The following BSPH1 variants were observed in gnomAD, a reference collection of about 807,000 sequenced individuals.
The protein encoded by BSPH1 is binder of sperm 1.
Under a neutral mutation model 22.5 loss-of-function variants are expected in BSPH1, and 21 were observed. The observed-to-expected ratio is 0.93, with a 90% CI of 0.66 to 1.35. The LOEUF (loss-of-function observed/expected upper bound fraction) is 1.35. Among genes scored for constraint, BSPH1 ranks in the 40% most tolerant of loss-of-function variants. The probability of loss-of-function intolerance (pLI) is 0.00; values close to 1 mark genes in which losing one functional copy is unlikely to be tolerated. For synonymous variants in BSPH1, 42 were observed against 53.6 expected, an observed-to-expected ratio of 0.78 and a Z score of 0.95; for missense variants, 141 against 154.2, an observed-to-expected ratio of 0.91 and a Z score of 0.45.
At chr19:47,985,240 C>G (rs1297597442) in intron 1 of BSPH1, among the ~76,000 whole-genome samples, 2 of 151,886 alleles carry the variant, frequency 1.3e-5, no homozygotes, top group African/African-American at 4.8e-5. Context: ...AAAGAAAAAT[C>G]TTTTGAAAGA....
Position 47,984,712 on chromosome 19 carries a change from A to T in BSPH1, c.74-3771T>A, listed in dbSNP as rs188878775. Among the ~76,000 whole-genome samples, 144 of 152,258 alleles carry T rather than the reference A, an allele frequency of 9.5e-4. 1 individual carries two copies. The highest frequency in any genetic ancestry group is 1.2e-3 in the Non-Finnish European group (81 of 68,018). ...AACTAAACATTGGGTGCACAGGGAC[A>T]CAAAGATGGGAACAATAGGCACTGG... On this transcript the variant is annotated intron_variant, in intron 1 of 5. Transcript: ENST00000344839.
chr19:47,976,060 A>G (rs1042960257), intron 5 of BSPH1, among the ~76,000 whole-genome samples: 12 of 152,246 alleles, frequency 7.9e-5, no homozygotes, highest in African/African-American at 1.7e-4. Context: ...CCACTGTGTT[A>G]TCAATATCCT....
chr19:47,991,379 A>G (rs1309054454), intron 1 of BSPH1, among the ~76,000 whole-genome samples: 1 of 130,876 alleles, frequency 7.6e-6, no homozygotes, highest in Non-Finnish European at 1.7e-5. Context: ...CCTCCTCCCC[A>G]CTTCTTCCTT....
intron 5 of BSPH1, among the ~76,000 whole-genome samples, chr19:47,974,923 A>T (rs1040498560): frequency 6.6e-6 from 1 of 152,008 alleles, no homozygotes; most frequent in African/African-American, 2.4e-5. Context: ...CTACCCCACT[A>T]TACCCATCCC....
intron 5 of BSPH1, among the ~76,000 whole-genome samples, chr19:47,969,684 G>GGGGAGAGAGAGAGAGA (rs1162877914): frequency 1.5e-4 from 17 of 113,870 alleles, no homozygotes; most frequent in South Asian, 3.3e-4. Context: ...AGGGAGAGGG[G>GGGGAGAGAGAGAGAGA]GAGAGAGAGA....
At chr19:47,977,262 A>G (rs533807649) in intron 4 of BSPH1, 111 bp downstream of exon 4, 56 of 763,900 alleles carry the variant, frequency 7.3e-5, no homozygotes, top group Non-Finnish European at 1.1e-4. Context: ...TTATTTTCAC[A>G]ACTTAATTGG....
chr19:47,983,415 G>A (rs1358790217), intron 1 of BSPH1, among the ~76,000 whole-genome samples: 1 of 152,176 alleles, frequency 6.6e-6, no homozygotes, highest in Admixed American at 6.5e-5. Context: ...TTTTGGTTTT[G>A]AGGATCATGA....
At chr19:47,985,137 G>A (rs1036319382) in intron 1 of BSPH1, among the ~76,000 whole-genome samples, 2 of 151,644 alleles carry the variant, frequency 1.3e-5, no homozygotes, top group Non-Finnish European at 2.9e-5. Flanking sequence ...TTGGGTAATG[G>A]CTTCAATTGA....
chr19:47,981,814 TTCA>T lies in BSPH1; in HGVS notation c.74-876_74-874del, dbSNP rs1406750070. On this transcript the variant is annotated intron_variant, in intron 1 of 5. Coordinates refer to ENST00000344839, the MANE Select transcript of BSPH1 (RefSeq NM_001128326.2). ...AGCAGCATTTTTCAACCATTGTTCC[TTCA>T]TGAGCCATTCAACCTGTAATATTTA... 3 of 807,818 alleles carry T rather than the reference TTCA, an allele frequency of 3.7e-6. No homozygotes were observed. The Admixed American group carries it at 1.9e-4, about 50-fold the overall frequency. 50.0% of individuals were successfully genotyped at this position (807,818 alleles called of 1,614,324 possible). A position where few individuals can be genotyped will look rare whatever the true frequency, so the allele number is the denominator to read the frequency against.
chr19:47,977,563 C>G, intron 3 of BSPH1, 59 bp from the exon 4 acceptor site: 3 of 1,533,750 alleles, frequency 2.0e-6, no homozygotes, highest in Non-Finnish European at 1.8e-6. Flanking sequence ...GGTTATCAAG[C>G]GACTGTCTTC....
At chr19:47,973,856 CTGTT>C (rs1969334976) in intron 5 of BSPH1, among the ~76,000 whole-genome samples, 1 of 152,154 alleles carries the variant, frequency 6.6e-6, no homozygotes, top group Non-Finnish European at 1.5e-5. Flanking sequence ...CTTTTCTTTG[CTGTT>C]TGTTCACTTC....
chr19:47,985,577 G>A (rs4802417), intron 1 of BSPH1, among the ~76,000 whole-genome samples: 26,394 of 152,164 alleles, frequency 0.17, 2,541 homozygotes, highest in Non-Finnish European at 0.21. Context: ...GCTCACACCT[G>A]TAATCCCAGC....
intron 1 of BSPH1, among the ~76,000 whole-genome samples, chr19:47,983,462 T>G (rs6509354): frequency 6.6e-6 from 1 of 151,938 alleles, no homozygotes; most frequent in Admixed American, 6.6e-5. Flanking sequence ...TACAGACGAG[T>G]GATTCCAACA....
At chr19:47,980,538 G>A (rs1257332831) in intron 2 of BSPH1, 2 of 161,920 alleles carry the variant, frequency 1.2e-5, no homozygotes, top group Non-Finnish European at 2.4e-5. Flanking sequence ...GCGTGATCTC[G>A]GCTCACTGCA....
chr19:47,976,386 C>T (rs2122244302), intron 5 of BSPH1, among the ~76,000 whole-genome samples: 1 of 152,152 alleles, frequency 6.6e-6, no homozygotes, highest in South Asian at 2.1e-4. Context: ...TCCTTTTTGG[C>T]CTCCCAAAGC....
chr19:47,973,226 ATAATAATAAT>A lies in BSPH1; in HGVS notation c.*2+3474_*2+3483del, dbSNP rs1568395394. 7.9e-3 allele frequency among the ~76,000 whole-genome samples: 803 copies of A among 101,656 alleles called. 11 individuals carry two copies. Among genetic ancestry groups the A allele is most frequent in the African/African-American group, 0.026 (768 of 29,826 alleles). The allele number at this position is 101,656 out of a possible 152,430, so 66.7% of individuals were successfully genotyped here. A position where few individuals can be genotyped will look rare whatever the true frequency, so the allele number is the denominator to read the frequency against. ...AGCGAGACTCCGTCTCAAAATAATA[ATAATAATAAT>A]AATAATAATAATAATAATAATAATA... On this transcript the variant is annotated intron_variant, in intron 5 of 5. Coordinates refer to ENST00000344839, the MANE Select transcript of BSPH1 (RefSeq NM_001128326.2).
Position 47,975,094 on chromosome 19 carries a change from G to A in BSPH1, c.*2+1616C>T, listed in dbSNP as rs576385947. Among the ~76,000 whole-genome samples the A allele has an allele frequency of 1.8e-4, 28 of 152,232 alleles. No individual in the cohort carries two copies. The South Asian group carries it at 2.7e-3, about 15-fold the overall frequency. ...TAACAATGGAAGACCAGTTTCTACC[G>A]AAGGTGACTCCACTCCCTCCTCCTG... On this transcript the variant is annotated intron_variant, in intron 5 of 5. Coordinates refer to ENST00000344839, the MANE Select transcript of BSPH1 (RefSeq NM_001128326.2).
In BSPH1 at chr19:47,985,274, AC is replaced by A. The variant is rs145777812; in HGVS notation, c.74-4334del. 2.5e-3 allele frequency among the ~76,000 whole-genome samples: 376 copies of A among 152,204 alleles called. 1 individual carries two copies. The highest frequency in any genetic ancestry group is 8.5e-3 in the African/African-American group (353 of 41,550). ...GAAGCCAGAGGGGGAAAAATACCTT[AC>A]CTACAGAGAAGCAAAGATAAGAATT... On this transcript the variant is annotated intron_variant, in intron 1 of 5. Transcript: ENST00000344839.
chr19:47,990,262 G>A (rs1969511343), intron 1 of BSPH1, among the ~76,000 whole-genome samples: 1 of 151,980 alleles, frequency 6.6e-6, no homozygotes, highest in Admixed American at 6.6e-5. Flanking sequence ...AGGCTAACGA[G>A]CCCGGGGCCC....
Sources: allele counts gnomAD v4.1 joint callset (sites outside exome capture counted in the v4.1 genomes callset), GRCh38; gene constraint gnomAD v4.1.1; transcripts MANE v1.5; gene names NCBI Gene and HGNC (gene_info 2026-07-23, HGNC 2026-07-21).